Variants in NEB observed in about 807,000 individuals in gnomAD.
The protein encoded by NEB is nemaline myopathy type 2.
In NEB, 512 loss-of-function variants were observed where a neutral mutation model predicts 952.2. That is an observed-to-expected ratio of 0.54 (90% confidence interval 0.50 to 0.58). The LOEUF is 0.58. Among genes scored for constraint, NEB ranks in the 20% least tolerant of loss-of-function variants. The pLI, the probability that NEB is intolerant of heterozygous loss-of-function variation, is 0.00. For synonymous variants in NEB, 2,900 were observed against 3,149.8 expected (o/e 0.92, Z 2.66); for missense variants, 8,428 against 9,231.1 (o/e 0.91, Z 3.56).
chr2:151,512,205 G>A (rs1321677028), intron 161 of NEB, among the ~76,000 whole-genome samples: 4 of 151,598 alleles, frequency 2.6e-5, no homozygotes, highest in Admixed American at 6.6e-5. Context: ...TAATTTTTGT[G>A]TATTTTTTTT....
chr2:151,558,351 C>T (rs1018218978), intron 124 of NEB, among the ~76,000 whole-genome samples: 2 of 152,108 alleles, frequency 1.3e-5, no homozygotes, highest in Non-Finnish European at 2.9e-5. Context: ...AACCACTGCT[C>T]AAGGAACTAA....
rs749332680 is a variant in NEB at position 151,680,826 on chromosome 2, T to C, written c.2946A>G (p.Lys982=). The change falls in exon 30 of 182, where the codon AAA becomes AAG. Residue 982 remains lysine, a splice_region_variant and synonymous_variant. Transcript: ENST00000397345. ...AKRASDILNE[K]KYRQHPDTLK... ...GGGTGTCTGGATGTTGGCGATATTT[T>C]TTCTGTTTGGCAAATCAAAAAGAGA... 3.7e-6 allele frequency: 6 copies of C among 1,609,250 alleles called. No individual in the cohort carries two copies. In the South Asian group the frequency reaches 6.6e-5, roughly 18 times the overall value.
At chr2:151,501,835 G>A (rs1434670583) in intron 167 of NEB, among the ~76,000 whole-genome samples, 2 of 151,926 alleles carry the variant, frequency 1.3e-5, no homozygotes, top group African/African-American at 2.4e-5. Flanking sequence ...AAAGAAAGAG[G>A]AGAGAGAGAG....
In NEB at chr2:151,509,615, T is replaced by G. The variant is rs190601529; in HGVS notation, c.23347-1506A>C. ...AGATGAACTGGGGAGGAAGAGAGGT[T>G]TTTTTTTTGTTTGTTTGGTTTTTTG... On this transcript the variant is annotated intron_variant, in intron 161 of 181. Coordinates refer to ENST00000397345, the MANE Select transcript of NEB (RefSeq NM_001164508.2). 3.6e-4 allele frequency among the ~76,000 whole-genome samples: 54 copies of G among 151,254 alleles called. No individual in the cohort carries two copies. The East Asian group carries it at 8.0e-3, about 22-fold the overall frequency.
Position 151,563,852 on chromosome 2 carries a change from C to G in NEB, c.18550G>C (p.Ala6184Pro), listed in dbSNP as rs1364962705. 2 of 1,613,224 alleles carry G rather than the reference C, an allele frequency of 1.2e-6. No individual in the cohort carries two copies. The highest frequency in any genetic ancestry group is 1.7e-6 in the Non-Finnish European group (2 of 1,179,616). The stretch of plus-strand genomic sequence containing the variant: ...CTGTTCACCAGATCAGCATGCTTGG[C>G]TCCAACAATGGGAATGTAGCGCTCA... ...LDERYIPIVG[A>P]KHADLVNSEL... is the part of the protein sequence containing the mutation. The change falls in exon 118 of 182, where the codon GCC becomes CCC. Residue 6184 changes from alanine (A) to proline (P), a missense_variant. Transcript: ENST00000397345.
intron 145 of NEB, 49 bp from the exon 146 acceptor site, chr2:151,529,363 C>T (rs1238775853): frequency 1.7e-6 from 2 of 1,175,046 alleles, no homozygotes; most frequent in South Asian, 1.2e-5. Context: ...TAGCAGCATA[C>T]TGAGCATCTT....
In NEB at chr2:151,514,455, A is replaced by G. The variant is rs763947580; in HGVS notation, c.23017-27T>C. 2.6e-6 allele frequency: 4 copies of G among 1,511,458 alleles called. No individual in the cohort carries two copies. In the East Asian group the frequency reaches 9.0e-5, roughly 34 times the overall value. 93.6% of individuals were successfully genotyped at this position (1,511,458 alleles called of 1,614,324 possible). On this transcript the variant is annotated intron_variant, in intron 158 of 181. Transcript: ENST00000397345. ...TATATCATGAAAGAAAAGCAACAAC[A>G]TTGACAAGAAAGCCCAGATTGATTC...
chr2:151,499,501 G>A, intron 168 of NEB, 111 bp from the exon 169 acceptor site: 1 of 654,852 alleles, frequency 1.5e-6, no homozygotes, highest in South Asian at 1.6e-5. Flanking sequence ...AGAAAAGACA[G>A]ATTCAACAAG....
rs1036268830 is a variant in NEB at position 151,581,732 on chromosome 2, CAT to C, written c.16180-147_16180-146del. On this transcript the variant is annotated intron_variant, in intron 102 of 181. Coordinates refer to ENST00000397345, the MANE Select transcript of NEB (RefSeq NM_001164508.2). The stretch of plus-strand genomic sequence containing the variant: ...GAATTTTATAATAAATTAAAACTAA[CAT>C]AAGTAAATTAAAATTTTTAAGTAAG... 149 of 666,520 alleles carry C rather than the reference CAT, an allele frequency of 2.2e-4. 1 individual carries two copies. Among genetic ancestry groups the C allele is most frequent in the Middle Eastern group, 4.3e-4 (1 of 2,326 alleles). 41.3% of individuals were successfully genotyped at this position (666,520 alleles called of 1,614,324 possible). A position where few individuals can be genotyped will look rare whatever the true frequency, so the allele number is the denominator to read the frequency against.
Position 151,710,506 on chromosome 2 carries a change from G to T in NEB, c.855C>A (p.Ile285=). The change falls in exon 11 of 182, where the codon ATC becomes ATA. Residue 285 remains isoleucine (I), a synonymous_variant. Coordinates refer to ENST00000397345, the MANE Select transcript of NEB (RefSeq NM_001164508.2). ...AAGGTGTCTCACTCCATTTGCCTTT[G>T]ATTTTATTTTCATAGTCTTCTTTGT... ...QKYKEDYENK[I]KGKWSETPCF... is the part of the protein sequence containing the mutation. 6.2e-7 allele frequency: 1 copy of T among 1,608,338 alleles called. No homozygotes were observed. Among genetic ancestry groups the T allele is most frequent in the South Asian group, 1.1e-5 (1 of 90,078 alleles).
intron 147 of NEB, 50 bp from the exon 148 acceptor site, chr2:151,527,072 G>A (rs1453383102): frequency 3.2e-6 from 4 of 1,257,564 alleles, no homozygotes; most frequent in African/African-American, 3.0e-5. Flanking sequence ...AGCACAGGAG[G>A]AAGCTGGGCA....
intron 8 of NEB, 106 bp downstream of exon 8, chr2:151,724,154 G>T: frequency 1.1e-6 from 1 of 894,430 alleles, no homozygotes; most frequent in Non-Finnish European, 1.8e-6. Context: ...CTCATAAAAA[G>T]ATTGGGGAAT....
intron 39 of NEB, among the ~76,000 whole-genome samples, chr2:151,668,290 A>G (rs74814103): frequency 6.6e-6 from 1 of 152,170 alleles, no homozygotes; most frequent in Non-Finnish European, 1.5e-5. Flanking sequence ...AAGCATTTCA[A>G]GCTTATAGGA....
intron 13 of NEB, 32 bp from the exon 14 acceptor site, chr2:151,697,680 A>G (rs1257202740): frequency 2.8e-6 from 4 of 1,425,346 alleles, no homozygotes; most frequent in Non-Finnish European, 2.9e-6. Flanking sequence ...GTTAAAGTAG[A>G]TTCCTGTCAC....
chr2:151,559,807 G>T (rs767894858), intron 124 of NEB, among the ~76,000 whole-genome samples: 3 of 152,142 alleles, frequency 2.0e-5, no homozygotes, highest in Non-Finnish European at 4.4e-5. Flanking sequence ...GGGGGCTAGG[G>T]GAGGGATAGC....
At chr2:151,528,979 T>C (rs2088571539) in intron 146 of NEB, among the ~76,000 whole-genome samples, 1 of 152,206 alleles carries the variant, frequency 6.6e-6, no homozygotes, top group Non-Finnish European at 1.5e-5. Context: ...GCTGAGTGGG[T>C]GTAGCATCCA....
At chr2:151,732,975 A>G in intron 3 of NEB, 146 bp downstream of exon 3, 2 of 647,664 alleles carry the variant, frequency 3.1e-6, no homozygotes, top group Non-Finnish European at 5.0e-6. Context: ...ACTGAACATA[A>G]AATATTCCTT....
chr2:151,681,388 C>T (rs2099412957), intron 29 of NEB, among the ~76,000 whole-genome samples: 1 of 152,212 alleles, frequency 6.6e-6, no homozygotes, highest in Non-Finnish European at 1.5e-5. Flanking sequence ...TGAAGGGGCA[C>T]TGCAGAGGAG....
intron 13 of NEB, among the ~76,000 whole-genome samples, chr2:151,702,235 T>C (rs1258058732): frequency 6.6e-6 from 1 of 151,852 alleles, no homozygotes; most frequent in African/African-American, 2.4e-5. Context: ...GAAAGATAGT[T>C]TGTTATAATG....
Sources: allele counts gnomAD v4.1 joint callset (sites outside exome capture counted in the v4.1 genomes callset), GRCh38; gene constraint gnomAD v4.1.1; transcripts MANE v1.5; gene names NCBI Gene and HGNC (gene_info 2026-07-23, HGNC 2026-07-21).